The following ARHGAP24 variants were observed in gnomAD, a reference collection of about 807,000 sequenced individuals.
The protein encoded by ARHGAP24 is Rho GTPase activating protein 24, also known as rho GTPase-activating protein 24.
Under a neutral mutation model 76.4 loss-of-function variants are expected in ARHGAP24, and 50 were observed. The observed-to-expected ratio is 0.65, with a 90% CI of 0.52 to 0.83. ARHGAP24 has a LOEUF of 0.83. Among genes scored for constraint, ARHGAP24 ranks in the 40% least tolerant of loss-of-function variants. The probability of loss-of-function intolerance (pLI) is 0.00; values close to 1 mark genes in which losing one functional copy is unlikely to be tolerated. For missense variants in ARHGAP24, 930 were observed against 914.2 expected (o/e 1.02, Z -0.22); for synonymous variants, 345 against 323.3 (o/e 1.07, Z -0.72).
intron 5 of ARHGAP24, among the ~76,000 whole-genome samples, chr4:85,951,869 C>G (rs962110702): frequency 6.6e-6 from 1 of 151,680 alleles, no homozygotes; most frequent in Non-Finnish European, 1.5e-5. Context: ...AATGTTAAGC[C>G]CTGAAATTTA....
At chr4:85,830,725 A>C (rs1729952841) in intron 3 of ARHGAP24, among the ~76,000 whole-genome samples, 1 of 152,212 alleles carries the variant, frequency 6.6e-6, no homozygotes, top group South Asian at 2.1e-4. Flanking sequence ...TTTGGAGAGA[A>C]GAAACCTGGA....
intron 2 of ARHGAP24, among the ~76,000 whole-genome samples, chr4:85,624,022 A>G (rs368308902): frequency 2.6e-5 from 4 of 152,100 alleles, no homozygotes; most frequent in Admixed American, 2.6e-4. Context: ...ATACAATCAT[A>G]TCATCTGCAA....
intron 5 of ARHGAP24, among the ~76,000 whole-genome samples, chr4:85,965,987 T>G (rs1416060604): frequency 6.6e-6 from 1 of 152,142 alleles, no homozygotes; most frequent in African/African-American, 2.4e-5. Context: ...TACTGTAGAC[T>G]GGTAGCTTGA....
intron 6 of ARHGAP24, among the ~76,000 whole-genome samples, chr4:85,974,009 ATTT>A (rs201491396): frequency 0.32 from 41,197 of 126,902 alleles, 6,326 homozygotes; most frequent in East Asian, 0.44. Flanking sequence ...AGCCTGGCTA[ATTT>A]TTTTTTTTTT....
intron 2 of ARHGAP24, among the ~76,000 whole-genome samples, chr4:85,683,709 T>G (rs910142713): frequency 6.6e-6 from 1 of 152,184 alleles, no homozygotes; most frequent in Non-Finnish European, 1.5e-5. Context: ...CTTTCTCATC[T>G]TGCATGACTA....
intron 2 of ARHGAP24, among the ~76,000 whole-genome samples, chr4:85,656,226 A>G (rs533552484): frequency 6.6e-6 from 1 of 152,332 alleles, no homozygotes; most frequent in East Asian, 1.9e-4. Flanking sequence ...ACTGGCTTCT[A>G]TAAAATGAAA....
chr4:85,702,065 A>G (rs1452412252), intron 2 of ARHGAP24, among the ~76,000 whole-genome samples: 3 of 152,080 alleles, frequency 2.0e-5, no homozygotes, highest in Non-Finnish European at 4.4e-5. Context: ...TCTCTACTCC[A>G]TTCCTATCAG....
At chr4:85,549,973 T>G (rs144610444) in intron 1 of ARHGAP24, among the ~76,000 whole-genome samples, 36 of 152,368 alleles carry the variant, frequency 2.4e-4, no homozygotes, top group Non-Finnish European at 2.4e-4. Flanking sequence ...ATGGTACATA[T>G]GTACCACATT....
At chr4:85,755,431 C>T (rs1317685554) in intron 3 of ARHGAP24, among the ~76,000 whole-genome samples, 1 of 152,052 alleles carries the variant, frequency 6.6e-6, no homozygotes, top group Non-Finnish European at 1.5e-5. Context: ...TCATCTCCAG[C>T]ACATGAGTGT....
chr4:85,584,397 C>T (rs1445575796), intron 2 of ARHGAP24, among the ~76,000 whole-genome samples: 2 of 145,308 alleles, frequency 1.4e-5, no homozygotes, highest in African/African-American at 2.6e-5. Flanking sequence ...ACAATGAGAA[C>T]ACATGGACAC....
chr4:85,812,945 C>T lies in ARHGAP24; in HGVS notation c.268+90973C>T, dbSNP rs1729074953. On this transcript the variant is annotated intron_variant, in intron 3 of 9. Coordinates refer to ENST00000395184, the MANE Select transcript of ARHGAP24 (RefSeq NM_001025616.3). ...GTGTGGTTGAGGACCTATCTTAGAA[C>T]TTGTTACCTAGGAGACTCTTCTAAC... Among the ~76,000 whole-genome samples, 3 of 152,178 alleles carry T rather than the reference C, an allele frequency of 2.0e-5. No homozygotes were observed. In the South Asian group the frequency reaches 6.2e-4, roughly 32 times the overall value.
intron 2 of ARHGAP24, among the ~76,000 whole-genome samples, chr4:85,685,559 G>C (rs1381506675): frequency 6.6e-6 from 1 of 151,670 alleles, no homozygotes; most frequent in Non-Finnish European, 1.5e-5. Context: ...CGTGAACCCA[G>C]GAGGTGGAGT....
chr4:85,629,782 G>A lies in ARHGAP24; in HGVS notation c.180+59061G>A, dbSNP rs537443218. Among the ~76,000 whole-genome samples, 17 of 152,132 alleles carry A rather than the reference G, an allele frequency of 1.1e-4. No homozygotes were observed. In the South Asian group the frequency reaches 3.5e-3, roughly 32 times the overall value. ...CTTTCCAAATTCTATCTTTGTCTTTGACTTTTGAGAATTTGATTATAATAT... is the reference window on the plus strand; with the variant it reads ...CTTTCCAAATTCTATCTTTGTCTTTAACTTTTGAGAATTTGATTATAATAT... On this transcript the variant is annotated intron_variant, in intron 2 of 9. Coordinates refer to ENST00000395184, the MANE Select transcript of ARHGAP24 (RefSeq NM_001025616.3).
intron 2 of ARHGAP24, among the ~76,000 whole-genome samples, chr4:85,578,169 G>A: frequency 6.6e-6 from 1 of 152,154 alleles, no homozygotes; most frequent in East Asian, 1.9e-4. Flanking sequence ...TGGCAGTCCT[G>A]CAACTCCTAT....
intron 3 of ARHGAP24, among the ~76,000 whole-genome samples, chr4:85,923,004 T>C (rs976763514): frequency 1.3e-5 from 2 of 152,118 alleles, no homozygotes; most frequent in South Asian, 2.1e-4. Context: ...GCGAGAGCCA[T>C]TGGGGGTGTT....
chr4:85,675,808 G>A (rs1722959949), intron 2 of ARHGAP24, among the ~76,000 whole-genome samples: 1 of 152,160 alleles, frequency 6.6e-6, no homozygotes, highest in African/African-American at 2.4e-5. Flanking sequence ...ACATTCCTCT[G>A]ATGTTTATGT....
intron 5 of ARHGAP24, among the ~76,000 whole-genome samples, chr4:85,945,484 C>A (rs1009606658): frequency 6.6e-6 from 1 of 151,934 alleles, no homozygotes; most frequent in African/African-American, 2.4e-5. Context: ...ATGAAAAGGC[C>A]TGAGCGGGGT....
At chr4:85,975,446 T>C (rs1381660841) in intron 7 of ARHGAP24, 1 of 153,502 alleles carries the variant, frequency 6.5e-6, no homozygotes, top group Non-Finnish European at 1.5e-5. Flanking sequence ...TAGTATATAG[T>C]AAGCATTCAA....
At chr4:85,850,322 A>G (rs1310720969) in intron 3 of ARHGAP24, among the ~76,000 whole-genome samples, 1 of 151,948 alleles carries the variant, frequency 6.6e-6, no homozygotes, top group Non-Finnish European at 1.5e-5. Context: ...TATTGCATCT[A>G]TTTGATTCTT....
Sources: allele counts gnomAD v4.1 joint callset (sites outside exome capture counted in the v4.1 genomes callset), GRCh38; gene constraint gnomAD v4.1.1; transcripts MANE v1.5; gene names NCBI Gene and HGNC (gene_info 2026-07-23, HGNC 2026-07-21).